ZFHX4: variants seen among roughly 807,000 people sequenced by gnomAD.
ZFHX4 encodes the protein zinc finger homeobox protein 4.
In ZFHX4, 56 loss-of-function variants were observed where a neutral mutation model predicts 267.6. The observed-to-expected ratio is 0.21, with a 90% confidence interval of 0.17 to 0.26. ZFHX4 has a LOEUF of 0.26. Ranked by LOEUF, ZFHX4 falls within the 10% of genes least tolerant of loss-of-function variation. The pLI is 1.00. For missense variants in ZFHX4, 4,332 were observed against 4,420.0 expected (o/e 0.98, Z 0.56); for synonymous variants, 1,778 against 1,665.6 (o/e 1.07, Z -1.64).
chr8:76,811,195 G>A (rs1312689437), intron 4 of ZFHX4, among the ~76,000 whole-genome samples: 4 of 152,128 alleles, frequency 2.6e-5, no homozygotes, highest in Non-Finnish European at 5.9e-5. Flanking sequence ...TAAAGCCAGA[G>A]CCCCACATGA....
intron 3 of ZFHX4, among the ~76,000 whole-genome samples, chr8:76,751,856 G>A (rs191326921): frequency 2.0e-5 from 3 of 152,286 alleles, no homozygotes; most frequent in African/African-American, 7.2e-5. Context: ...CACCAAGAGT[G>A]GTGGTTCCAA....
chr8:76,775,040 A>G (rs1810368637), intron 3 of ZFHX4, among the ~76,000 whole-genome samples: 1 of 152,188 alleles, frequency 6.6e-6, no homozygotes, highest in Non-Finnish European at 1.5e-5. Flanking sequence ...GGTAAAGTAA[A>G]TAATTTAAAA....
chr8:76,694,704 GCCCCCGCCCCC>G (rs1807911404), intron 1 of ZFHX4, among the ~76,000 whole-genome samples: 1 of 83,572 alleles, frequency 1.2e-5, no homozygotes, highest in African/African-American at 4.8e-5. Context: ...CCCCGCCTCT[GCCCCCGCCCCC>G]GCCCCACCAT....
At chr8:76,746,764 C>T (rs1214409761) in intron 3 of ZFHX4, among the ~76,000 whole-genome samples, 1 of 152,080 alleles carries the variant, frequency 6.6e-6, no homozygotes, top group Non-Finnish European at 1.5e-5. Context: ...TAAGACTAAA[C>T]AACCATGTAA....
At position 76,726,751 on chromosome 8, in the gene ZFHX4, C is replaced by T. The variant is rs1808864822; in HGVS notation, c.3093+18703C>T. ...CCCGTTTGTAAAATATCTTCCTTGA[C>T]TATGAAAGGGCAATATTTTTCCAAT... On this transcript the variant is annotated intron_variant, in intron 3 of 10. Coordinates refer to ENST00000651372, the MANE Select transcript of ZFHX4 (RefSeq NM_024721.5). Among the ~76,000 whole-genome samples, 3 of 152,102 alleles carry T rather than the reference C, an allele frequency of 2.0e-5. No homozygotes were observed. The South Asian group carries it at 6.2e-4, about 32-fold the overall frequency.
intron 1 of ZFHX4, among the ~76,000 whole-genome samples, chr8:76,698,207 G>A (rs1049706154): frequency 5.3e-5 from 8 of 152,056 alleles, no homozygotes; most frequent in Non-Finnish European, 4.4e-5. Flanking sequence ...AACTAGATTG[G>A]TTGCAAGTAC....
Position 76,856,096 on chromosome 8 carries a change from A to AAT in ZFHX4, c.9175_9176insAT (p.Met3059AsnfsTer10). ...GGCTCCGACCACGGTTCGGCAGCTGATGGCACAGCAAGAACTTGATCGTAT... is the reference window on the plus strand; with the variant it reads ...GGCTCCGACCACGGTTCGGCAGCTGAATTGGCACAGCAAGAACTTGATCGTAT... On this transcript the variant is annotated frameshift_variant, in exon 10 of 11. Transcript: ENST00000651372. LOFTEE classifies it high-confidence loss of function. 6.2e-7 allele frequency: 1 copy of AAT among 1,614,004 alleles called. No individual in the cohort carries two copies. Among genetic ancestry groups the AAT allele is most frequent in the Non-Finnish European group, 8.5e-7 (1 of 1,179,868 alleles).
At chr8:76,682,856 C>T (rs1446036711) in intron 1 of ZFHX4, among the ~76,000 whole-genome samples, 1 of 152,088 alleles carries the variant, frequency 6.6e-6, no homozygotes, top group African/African-American at 2.4e-5. Context: ...GACTGGAATG[C>T]GCCGGGTCTC....
At chr8:76,750,172 G>A (rs1486932049) in intron 3 of ZFHX4, among the ~76,000 whole-genome samples, 1 of 152,132 alleles carries the variant, frequency 6.6e-6, no homozygotes, top group East Asian at 1.9e-4. Flanking sequence ...TTGGATGCTT[G>A]TGGTTATCAG....
chr8:76,754,268 G>T (rs1179143680), intron 3 of ZFHX4, among the ~76,000 whole-genome samples: 1 of 152,100 alleles, frequency 6.6e-6, no homozygotes, highest in African/African-American at 2.4e-5. Context: ...ATGGTGGATT[G>T]CCTGAGGTTA....
chr8:76,681,626 T>G lies in ZFHX4; in HGVS notation c.-47+6T>G. 1 of 396,180 alleles carries G rather than the reference T, an allele frequency of 2.5e-6. No individual in the cohort carries two copies. The highest frequency in any genetic ancestry group is 4.4e-6 in the Non-Finnish European group (1 of 225,108). 24.5% of individuals were successfully genotyped at this position (396,180 alleles called of 1,614,324 possible). A position where few individuals can be genotyped will look rare whatever the true frequency, so the allele number is the denominator to read the frequency against. On this transcript the variant is annotated splice_donor_region_variant and intron_variant, in intron 1 of 10. Coordinates refer to ENST00000651372, the MANE Select transcript of ZFHX4 (RefSeq NM_024721.5). Reference sequence around the variant, plus strand: ...AACTGCAGGGGAAATGGAAAGTAAGTTTTTTCTTTAACTTTTATTGAGTAG... The same window carrying G: ...AACTGCAGGGGAAATGGAAAGTAAGGTTTTTCTTTAACTTTTATTGAGTAG...
In ZFHX4 at chr8:76,855,589, G is replaced by C. The variant is rs773742612; in HGVS notation, c.8668G>C (p.Asp2890His). Residue 2890 changes from aspartate to histidine, a missense_variant, in exon 10 of 11, where the codon GAT becomes CAT. Transcript: ENST00000651372. ...GDHDQSFYIT[D>H]DPDDNADRSE... is the part of the protein sequence containing the mutation. Reference sequence around the variant, plus strand: ...CCACGACCAAAGCTTTTACATCACAGATGACCCGGATGACAACGCCGACCG... The same window carrying C: ...CCACGACCAAAGCTTTTACATCACACATGACCCGGATGACAACGCCGACCG... The C allele has an allele frequency of 1.2e-6, 2 of 1,613,720 alleles. No individual in the cohort carries two copies. The highest frequency in any genetic ancestry group is 2.7e-5 in the African/African-American group (2 of 74,906).
In ZFHX4 at chr8:76,853,593, C is replaced by T. The variant is rs1176982224; in HGVS notation, c.6672C>T (p.Phe2224=). The change falls in exon 10 of 11, where the codon TTC becomes TTT. Residue 2224 remains phenylalanine, a synonymous_variant. Coordinates refer to ENST00000651372, the MANE Select transcript of ZFHX4 (RefSeq NM_024721.5). ...AACATTACAAATCTGATGCATCATT[C>T]AGTAAAAGGTCTTCTAGAACGAGAT... The part of the protein sequence containing the change: ...SLEHYKSDAS[F]SKRSSRTRFT... 1 of 1,613,710 alleles carries T rather than the reference C, an allele frequency of 6.2e-7. No homozygotes were observed. Among genetic ancestry groups the T allele is most frequent in the Non-Finnish European group, 8.5e-7 (1 of 1,179,862 alleles).
chr8:76,790,135 T>C (rs1367311064), intron 4 of ZFHX4, among the ~76,000 whole-genome samples: 1 of 152,190 alleles, frequency 6.6e-6, no homozygotes, highest in Non-Finnish European at 1.5e-5. Flanking sequence ...TGTTTATGTA[T>C]AATTAAGTGG....
chr8:76,778,435 G>A lies in ZFHX4; in HGVS notation c.3321G>A (p.Glu1107=), dbSNP rs1810459886. 6.2e-7 allele frequency: 1 copy of A among 1,612,878 alleles called. No individual in the cohort carries two copies. Among genetic ancestry groups the A allele is most frequent in the African/African-American group, 1.3e-5 (1 of 74,812 alleles). The part of the protein sequence containing the change: ...IFFVKDCPPN[E]LETASLGART... ...TTGTTAAAGATTGCCCACCAAATGA[G>A]CTTGGTGAGTAACCCTGAAGAGGGC... Residue 1107 remains glutamate, a synonymous_variant, in exon 4 of 11, where the codon GAG becomes GAA. Coordinates refer to ENST00000651372, the MANE Select transcript of ZFHX4 (RefSeq NM_024721.5).
At position 76,863,332 on chromosome 8, in the gene ZFHX4, A is replaced by T. The variant is rs1424491553; in HGVS notation, c.9618A>T (p.Glu3206Asp). 1 of 1,613,730 alleles carries T rather than the reference A, an allele frequency of 6.2e-7. No individual in the cohort carries two copies. The highest frequency in any genetic ancestry group is 1.7e-5 in the Admixed American group (1 of 59,972). The stretch of plus-strand genomic sequence containing the variant: ...AGGTGAAAAAAATCAAAGAGGAGGA[A>T]TTAGAGGCCACCAAACCCGAAAAAC... ...PNKVKKIKEE[E>D]LEATKPEKHP... Residue 3206 changes from glutamate to aspartate, a missense_variant, in exon 11 of 11, where the codon GAA becomes GAT. This residue lies in a region of ZFHX4 where 1,648 missense variants were observed against 1,625.0 expected (regional missense o/e 1.01). Transcript: ENST00000651372.
chr8:76,774,687 G>A (rs557205812), intron 3 of ZFHX4, among the ~76,000 whole-genome samples: 69 of 151,904 alleles, frequency 4.5e-4, no homozygotes, highest in African/African-American at 1.6e-3. Flanking sequence ...TTTTAAAAAA[G>A]AATATAATTT....
chr8:76,715,545 C>T (rs1271786312), intron 3 of ZFHX4, among the ~76,000 whole-genome samples: 2 of 149,032 alleles, frequency 1.3e-5, no homozygotes, highest in Non-Finnish European at 3.0e-5. Flanking sequence ...CTACCATCCA[C>T]CCCTTTAAAT....
At position 76,704,463 on chromosome 8, in the gene ZFHX4, A is replaced by C; in HGVS notation, c.375A>C (p.Glu125Asp). The C allele has an allele frequency of 6.2e-7, 1 of 1,614,010 alleles. No individual in the cohort carries two copies. Among genetic ancestry groups the C allele is most frequent in the South Asian group, 1.1e-5 (1 of 91,074 alleles). ...GCGAGTTAGAGGACAGTGACGTGGA[A>C]AATCTAACAGGGGAGATCGTTTACC... The part of the protein sequence containing the change: ...EISELEDSDV[E>D]NLTGEIVYQP... The change falls in exon 2 of 11, where the codon GAA becomes GAC. Residue 125 changes from glutamate to aspartate, a missense_variant. Coordinates refer to ENST00000651372, the MANE Select transcript of ZFHX4 (RefSeq NM_024721.5).
Sources: allele counts gnomAD v4.1 joint callset (sites outside exome capture counted in the v4.1 genomes callset), GRCh38; gene constraint gnomAD v4.1.1; regional missense constraint gnomAD v4.1.1; transcripts MANE v1.5; gene names NCBI Gene and HGNC (gene_info 2026-07-23, HGNC 2026-07-21).